COL22A1: variants seen among roughly 807,000 people sequenced by gnomAD.
COL22A1 encodes the protein collagen alpha-1(XXII) chain.
Under a neutral mutation model 248.9 loss-of-function variants are expected in COL22A1, and 221 were observed. The ratio of observed to expected loss-of-function variants is 0.89; its 90% confidence interval spans 0.80 to 0.99. The LOEUF (loss-of-function observed/expected upper bound fraction) is 0.99. Ranked by LOEUF, COL22A1 falls within the 50% of genes least tolerant of loss-of-function variation. COL22A1 has a pLI of 0.00. For missense variants in COL22A1, 2,240 were observed against 2,179.0 expected (o/e 1.03, Z -0.56); for synonymous variants, 891 against 793.4 (o/e 1.12, Z -2.07).
At chr8:138,880,564 G>A (rs1824123322) in intron 2 of COL22A1, among the ~76,000 whole-genome samples, 1 of 152,198 alleles carries the variant, frequency 6.6e-6, no homozygotes, top group Non-Finnish European at 1.5e-5. Flanking sequence ...CCGAGCCAAT[G>A]CCACCCTTGA....
At chr8:138,631,374 T>C (rs1289580914) in intron 49 of COL22A1, among the ~76,000 whole-genome samples, 1 of 152,174 alleles carries the variant, frequency 6.6e-6, no homozygotes, top group Non-Finnish European at 1.5e-5. Context: ...ATCCACATTT[T>C]AGGACGGGCC....
At chr8:138,873,269 G>A (rs1823473660) in intron 3 of COL22A1, among the ~76,000 whole-genome samples, 1 of 151,328 alleles carries the variant, frequency 6.6e-6, no homozygotes, top group South Asian at 2.1e-4. Flanking sequence ...ATCAAAATGT[G>A]AATGCATTAA....
chr8:138,821,428 C>CAG lies in COL22A1; in HGVS notation c.970-19_970-18dup. Reference sequence around the variant, plus strand: ...GATGGAGACCTGGGGAGGAAAGGACCAGAGACTCCTTGAGCTTCTTGGGGC... The same window carrying CAG: ...GATGGAGACCTGGGGAGGAAAGGACCAGAGAGACTCCTTGAGCTTCTTGGGGC... On this transcript the variant is annotated splice_polypyrimidine_tract_variant and intron_variant, in intron 6 of 64. Transcript: ENST00000303045. 1 of 1,606,234 alleles carries CAG rather than the reference C, an allele frequency of 6.2e-7. No individual in the cohort carries two copies. The highest frequency in any genetic ancestry group is 8.5e-7 in the Non-Finnish European group (1 of 1,173,668).
intron 20 of COL22A1, 85 bp from the exon 21 acceptor site, chr8:138,755,295 C>A: frequency 6.9e-7 from 1 of 1,441,134 alleles, no homozygotes; most frequent in Non-Finnish European, 9.7e-7. Context: ...CCTCTCCTGA[C>A]TCAAAGTTTA....
intron 35 of COL22A1, among the ~76,000 whole-genome samples, chr8:138,691,462 C>T (rs1023070116): frequency 3.6e-4 from 49 of 134,292 alleles, no homozygotes; most frequent in African/African-American, 1.3e-3. Context: ...TGTGTACGTC[C>T]GTGTGTGCAT....
chr8:138,837,790 T>C (rs972939574), intron 4 of COL22A1, among the ~76,000 whole-genome samples: 1 of 152,096 alleles, frequency 6.6e-6, no homozygotes, highest in African/African-American at 2.4e-5. Context: ...GTGTACAGTC[T>C]GCTTAGGATT....
intron 7 of COL22A1, among the ~76,000 whole-genome samples, chr8:138,818,325 C>G (rs1226667198): frequency 2.6e-5 from 4 of 152,192 alleles, no homozygotes; most frequent in South Asian, 2.1e-4. Context: ...TCACCTGATA[C>G]TTTTCAGTTG....
chr8:138,679,546 T>C, intron 40 of COL22A1, 71 bp downstream of exon 40: 1 of 1,294,492 alleles, frequency 7.7e-7, no homozygotes, highest in African/African-American at 1.5e-5. Flanking sequence ...ATTATTTTGT[T>C]GTTATAAAGC....
At chr8:138,746,002 G>C (rs939102669) in intron 22 of COL22A1, among the ~76,000 whole-genome samples, 2 of 152,228 alleles carry the variant, frequency 1.3e-5, no homozygotes, top group Admixed American at 6.5e-5. Flanking sequence ...CAGCAGGCAA[G>C]CAGGCAGGCG....
chr8:138,878,677 C>T (rs1014282319), intron 2 of COL22A1, among the ~76,000 whole-genome samples: 2 of 152,146 alleles, frequency 1.3e-5, no homozygotes, highest in Non-Finnish European at 2.9e-5. Flanking sequence ...AATGTATGCC[C>T]ATTTCCAAGA....
chr8:138,901,267 G>A (rs1814529182), intron 1 of COL22A1, among the ~76,000 whole-genome samples: 2 of 151,724 alleles, frequency 1.3e-5, no homozygotes, highest in Non-Finnish European at 2.9e-5. Flanking sequence ...GGAATGGGGT[G>A]AGGAGTGAAA....
chr8:138,638,335 C>T (rs900367167), intron 47 of COL22A1, among the ~76,000 whole-genome samples: 4 of 152,054 alleles, frequency 2.6e-5, no homozygotes, highest in African/African-American at 9.7e-5. Flanking sequence ...TGCCTGTCAT[C>T]CCTTAACTTT....
At chr8:138,900,980 T>C (rs779515044) in intron 1 of COL22A1, among the ~76,000 whole-genome samples, 42 of 152,330 alleles carry the variant, frequency 2.8e-4, no homozygotes, top group Middle Eastern at 6.8e-3. Context: ...GAAAGACTCC[T>C]CGATATATCA....
At chr8:138,895,652 A>G (rs1326221366) in intron 1 of COL22A1, among the ~76,000 whole-genome samples, 1 of 152,196 alleles carries the variant, frequency 6.6e-6, no homozygotes, top group Non-Finnish European at 1.5e-5. Flanking sequence ...AAAAAAAGTG[A>G]GCAGAGCCTC....
At position 138,717,487 on chromosome 8, in the gene COL22A1, A is replaced by G. The variant is rs563746105; in HGVS notation, c.2356-618T>C. On this transcript the variant is annotated intron_variant, in intron 27 of 64. Coordinates refer to ENST00000303045, the MANE Select transcript of COL22A1 (RefSeq NM_152888.3). ...ATTTTTAGTTTTAGTTTTTTTAGAG[A>G]CAGGGTCTCACTCTGTCACCCAGGC... 2.0e-5 allele frequency among the ~76,000 whole-genome samples: 3 copies of G among 152,040 alleles called. No homozygotes were observed. The East Asian group carries it at 5.8e-4, about 29-fold the overall frequency.
chr8:138,707,732 G>A (rs1429000817), intron 30 of COL22A1, among the ~76,000 whole-genome samples: 1 of 152,190 alleles, frequency 6.6e-6, no homozygotes, highest in African/African-American at 2.4e-5. Flanking sequence ...GCACAAGATA[G>A]GGATGCCCTC....
Position 138,776,003 on chromosome 8 carries a change from T to G in COL22A1, c.1766A>C (p.Gln589Pro). The G allele has an allele frequency of 1.2e-6, 2 of 1,614,134 alleles. No homozygotes were observed. The highest frequency in any genetic ancestry group is 1.7e-6 in the Non-Finnish European group (2 of 1,179,944). ...PPGRVGAPGL[Q>P]GERGEKGTRG... is the part of the protein sequence containing the mutation. ...AGTTCCCTTTTCACCTCGTTCTCCT[T>G]GGAGACCCTGGGGGACAAAGAAAGA... Residue 589 changes from glutamine to proline, a missense_variant, in exon 16 of 65, where the codon CAA becomes CCA. Physicochemically the swap from Gln to Pro is moderately conservative, Grantham distance 76 (BLOSUM62 -1). Transcript: ENST00000303045.
intron 7 of COL22A1, among the ~76,000 whole-genome samples, chr8:138,815,297 G>A (rs1291654553): frequency 6.6e-6 from 1 of 152,174 alleles, no homozygotes; most frequent in Non-Finnish European, 1.5e-5. Context: ...ACGTCTGTAT[G>A]TCCATCTTCC....
In COL22A1 at chr8:138,779,559, C is replaced by CA; in HGVS notation, c.1653_1654insT (p.Glu552Ter). ...CCCGGCTCTCCCAGCTCTCCTGGCT[C>CA]CCCCTGAACAAACAAAACAACACAA... On this transcript the variant is annotated frameshift_variant, in exon 14 of 65. Transcript: ENST00000303045. LOFTEE classifies it high-confidence loss of function. 1 of 1,612,108 alleles carries CA rather than the reference C, an allele frequency of 6.2e-7. No homozygotes were observed. The highest frequency in any genetic ancestry group is 8.5e-7 in the Non-Finnish European group (1 of 1,178,204).
Sources: gnomAD v4.1 joint callset for allele counts (sites outside exome capture counted in the v4.1 genomes callset) on GRCh38, gnomAD v4.1.1 for gene constraint, MANE v1.5 for transcripts, NCBI Gene and HGNC (gene_info 2026-07-23, HGNC 2026-07-21) for gene names.